Variants in NOX4 observed in about 807,000 individuals in gnomAD.
NOX4 encodes the protein kidney oxidase-1.
Under a neutral mutation model 87.6 loss-of-function variants are expected in NOX4, and 69 were observed. That is an observed-to-expected ratio of 0.79 (90% CI 0.65 to 0.96). NOX4 has a LOEUF of 0.96. Among genes scored for constraint, NOX4 ranks in the 40% least tolerant of loss-of-function variants. The probability of loss-of-function intolerance (pLI) is 0.00; values close to 1 mark genes in which losing one functional copy is unlikely to be tolerated. For synonymous variants in NOX4, 275 were observed against 238.2 expected (o/e 1.15, Z -1.42); for missense variants, 680 against 681.5 (o/e 1.00, Z 0.02).
At chr11:89,515,569 G>C in the NOX4 span, among the ~76,000 whole-genome samples, 44 of 150,544 alleles carry the variant, frequency 2.9e-4, 1 homozygote, top group African/African-American at 1.0e-3. Context: ...TGTAATGTTT[G>C]TAAATCCCAA....
At chr11:89,332,881 C>A (rs189623035) in intron 17 of NOX4, among the ~76,000 whole-genome samples, 1 of 151,866 alleles carries the variant, frequency 6.6e-6, no homozygotes, top group African/African-American at 2.4e-5. Context: ...TTTCCATGAT[C>A]ATATAATACC....
intron 6 of NOX4, among the ~76,000 whole-genome samples, chr11:89,439,024 A>G (rs1056566518): frequency 5.0e-5 from 6 of 120,226 alleles, no homozygotes; most frequent in Non-Finnish European, 8.2e-5. Context: ...GTATAATCAT[A>G]ATAGTGCTAA....
the NOX4 span, among the ~76,000 whole-genome samples, chr11:89,539,861 A>G: frequency 1.3e-5 from 2 of 151,730 alleles, no homozygotes; most frequent in Admixed American, 6.6e-5. Context: ...AAGAGCGTCA[A>G]AGAATTTTCA....
the NOX4 span, among the ~76,000 whole-genome samples, chr11:89,505,740 G>A: frequency 6.6e-6 from 1 of 151,866 alleles, no homozygotes; most frequent in Non-Finnish European, 1.5e-5. Context: ...ATATCAGTTC[G>A]ATGAAATAAG....
At chr11:89,445,036 A>C (rs933478742) in intron 4 of NOX4, among the ~76,000 whole-genome samples, 5 of 152,150 alleles carry the variant, frequency 3.3e-5, no homozygotes, top group African/African-American at 1.2e-4. Context: ...AGGCAAAATA[A>C]GGTGTGAATT....
chr11:89,586,326 A>G, the NOX4 span, among the ~76,000 whole-genome samples: 1 of 152,176 alleles, frequency 6.6e-6, no homozygotes, highest in African/African-American at 2.4e-5. Flanking sequence ...GTCAGACACT[A>G]TGCTAAGTAT....
chr11:89,349,092 G>C (rs1946338883), intron 13 of NOX4, among the ~76,000 whole-genome samples: 1 of 151,904 alleles, frequency 6.6e-6, no homozygotes, highest in Non-Finnish European at 1.5e-5. Flanking sequence ...TTTGAGACCA[G>C]CCTGGTCACT....
At chr11:89,449,956 C>T (rs1450238638) in intron 3 of NOX4, among the ~76,000 whole-genome samples, 1 of 152,042 alleles carries the variant, frequency 6.6e-6, no homozygotes, top group South Asian at 2.1e-4. Context: ...TATATGATTT[C>T]CTTTTACAGT....
the NOX4 span, among the ~76,000 whole-genome samples, chr11:89,582,304 T>A: frequency 6.6e-6 from 1 of 152,186 alleles, no homozygotes; most frequent in Non-Finnish European, 1.5e-5. Flanking sequence ...ATTTAGGTTT[T>A]TTCCATATTG....
Position 89,449,826 on chromosome 11 carries a change from T to C in NOX4, c.265-302A>G, listed in dbSNP as rs536021155. On this transcript the variant is annotated intron_variant, in intron 3 of 17. Coordinates refer to ENST00000263317, the MANE Select transcript of NOX4 (RefSeq NM_016931.5). ...TGATCAACACTAATGGCATTAGATGTTAACGTATCTGCAGGCACTTACCAC... is the reference window on the plus strand; with the variant it reads ...TGATCAACACTAATGGCATTAGATGCTAACGTATCTGCAGGCACTTACCAC... Among the ~76,000 whole-genome samples, 14 of 152,266 alleles carry C rather than the reference T, an allele frequency of 9.2e-5. No individual in the cohort carries two copies. In the South Asian group the frequency reaches 2.9e-3, roughly 32 times the overall value.
At position 89,325,183 on chromosome 11, in the gene NOX4, G is replaced by C. The variant is rs1945178345; in HGVS notation, c.*1573C>G. 7.4e-6 allele frequency: 1 copy of C among 135,958 alleles called. No individual in the cohort carries two copies. The highest frequency in any genetic ancestry group is 2.8e-5 in the African/African-American group (1 of 35,214). 8.4% of individuals were successfully genotyped at this position (135,958 alleles called of 1,614,324 possible). On this transcript the variant is annotated 3_prime_UTR_variant, in exon 18 of 18. Transcript: ENST00000263317. ...TCTGTCACCCAGGCTGGAGTGCAGT[G>C]GTGCAATCTTGGCTCACTGCAACCT...
At chr11:89,568,069 A>G in the NOX4 span, among the ~76,000 whole-genome samples, 1 of 152,216 alleles carries the variant, frequency 6.6e-6, no homozygotes, top group African/African-American at 2.4e-5. Flanking sequence ...TCACGGGGAC[A>G]GAGAACGAAG....
chr11:89,356,183 C>T (rs1306491451), intron 12 of NOX4, among the ~76,000 whole-genome samples: 6 of 151,924 alleles, frequency 3.9e-5, no homozygotes, highest in African/African-American at 1.5e-4. Context: ...TAATGACTAT[C>T]TTTTAGGAAA....
At chr11:89,417,050 G>C (rs376115085) in intron 8 of NOX4, among the ~76,000 whole-genome samples, 189 of 152,180 alleles carry the variant, frequency 1.2e-3, no homozygotes, top group South Asian at 9.1e-3. Context: ...CTCTCACTCA[G>C]TTAAATAAAG....
chr11:89,429,900 A>G (rs935841264), intron 7 of NOX4, among the ~76,000 whole-genome samples: 1 of 152,188 alleles, frequency 6.6e-6, no homozygotes, highest in Non-Finnish European at 1.5e-5. Context: ...AGACACAACA[A>G]AAAAAGAGAA....
At chr11:89,459,057 A>G (rs1945333912) in intron 2 of NOX4, among the ~76,000 whole-genome samples, 1 of 152,172 alleles carries the variant, frequency 6.6e-6, no homozygotes, top group African/African-American at 2.4e-5. Context: ...ATCAACCTAA[A>G]TGCTCATTAA....
intron 12 of NOX4, 152 bp from the exon 13 acceptor site, chr11:89,355,195 A>G (rs1565190639): frequency 1.8e-6 from 1 of 552,258 alleles, no homozygotes; most frequent in East Asian, 3.3e-5. Context: ...TTTATGTATT[A>G]CTAATATATA....
At chr11:89,344,783 C>T (rs1946144377) in intron 13 of NOX4, among the ~76,000 whole-genome samples, 1 of 152,130 alleles carries the variant, frequency 6.6e-6, no homozygotes, top group Admixed American at 6.6e-5. Context: ...CTTAAGGTCA[C>T]ACTTATATTA....
intron 7 of NOX4, among the ~76,000 whole-genome samples, chr11:89,425,955 C>T (rs1230102081): frequency 1.3e-5 from 2 of 151,844 alleles, no homozygotes; most frequent in Non-Finnish European, 2.9e-5. Context: ...TCTTATATTC[C>T]TTTTTTTGCT....
Sources: gnomAD v4.1 joint callset for allele counts (sites outside exome capture counted in the v4.1 genomes callset) on GRCh38, gnomAD v4.1.1 for gene constraint, MANE v1.5 for transcripts, NCBI Gene and HGNC (gene_info 2026-07-23, HGNC 2026-07-21) for gene names.